Variants in PPP4R4 observed in about 807,000 individuals in gnomAD.
The protein encoded by PPP4R4 is protein phosphatase 4 regulatory subunit 4.
A neutral mutation model predicts 121.8 loss-of-function variants in PPP4R4; 70 were observed. That is an observed-to-expected ratio of 0.57 (90% CI 0.47 to 0.70). The LOEUF (loss-of-function observed/expected upper bound fraction) is 0.70, where lower values mean the gene tolerates loss of function less well. Among genes scored for constraint, PPP4R4 ranks in the 30% least tolerant of loss-of-function variants. The pLI is 0.00. For missense variants in PPP4R4, 875 were observed against 1,033.6 expected (o/e 0.85, Z 2.10); for synonymous variants, 348 against 355.7 (o/e 0.98, Z 0.24).
intron 3 of PPP4R4, among the ~76,000 whole-genome samples, chr14:94,210,460 A>G (rs939687358): frequency 6.6e-6 from 1 of 152,030 alleles, no homozygotes; most frequent in Non-Finnish European, 1.5e-5. Context: ...AATCCATAAT[A>G]CAGAGTATAT....
At chr14:94,210,216 G>A (rs912189384) in intron 3 of PPP4R4, among the ~76,000 whole-genome samples, 8 of 149,968 alleles carry the variant, frequency 5.3e-5, no homozygotes, top group East Asian at 2.0e-4. Context: ...ATATATGAGT[G>A]TATAATACAA....
intron 3 of PPP4R4, among the ~76,000 whole-genome samples, chr14:94,222,210 A>G (rs1446118879): frequency 6.6e-6 from 1 of 151,936 alleles, no homozygotes; most frequent in East Asian, 1.9e-4. Context: ...CTTTTTGCCA[A>G]CTGCTCTATG....
At chr14:94,177,916 C>G (rs973972452) in intron 2 of PPP4R4, among the ~76,000 whole-genome samples, 1 of 152,140 alleles carries the variant, frequency 6.6e-6, no homozygotes, top group African/African-American at 2.4e-5. Flanking sequence ...TTTCTTGTGG[C>G]TCACCTACCT....
At chr14:94,272,968 C>T (rs951015602) in intron 23 of PPP4R4, among the ~76,000 whole-genome samples, 6 of 152,168 alleles carry the variant, frequency 3.9e-5, no homozygotes, top group African/African-American at 1.4e-4. Context: ...TTAGAATGGT[C>T]TAAATCCAAA....
At chr14:94,254,808 G>A (rs1187410073) in intron 16 of PPP4R4, among the ~76,000 whole-genome samples, 1 of 152,054 alleles carries the variant, frequency 6.6e-6, no homozygotes, top group African/African-American at 2.4e-5. Context: ...CCTCTGAAAT[G>A]CCTCCTCCTG....
intron 2 of PPP4R4, among the ~76,000 whole-genome samples, chr14:94,188,537 C>A (rs1405078498): frequency 1.3e-5 from 2 of 152,068 alleles, no homozygotes; most frequent in Non-Finnish European, 2.9e-5. Flanking sequence ...ATATTGAAAT[C>A]TTGACAGGGA....
At chr14:94,192,976 C>T (rs1486670814) in intron 2 of PPP4R4, among the ~76,000 whole-genome samples, 1 of 152,078 alleles carries the variant, frequency 6.6e-6, no homozygotes, top group Non-Finnish European at 1.5e-5. Context: ...GCTTATTCTT[C>T]GTGGAGGAGG....
intron 2 of PPP4R4, among the ~76,000 whole-genome samples, chr14:94,203,554 T>A (rs931106889): frequency 1.3e-5 from 2 of 152,202 alleles, no homozygotes; most frequent in African/African-American, 4.8e-5. Context: ...CAGAAATTTT[T>A]ATTTCTTTGG....
At position 94,190,676 on chromosome 14, in the gene PPP4R4, A is replaced by G. The variant is rs77536075; in HGVS notation, c.191+14549A>G. 3.1e-3 allele frequency among the ~76,000 whole-genome samples: 476 copies of G among 152,306 alleles called. 1 individual carries two copies. The highest frequency in any genetic ancestry group is 0.011 in the African/African-American group (460 of 41,564). On this transcript the variant is annotated intron_variant, in intron 2 of 24. Coordinates refer to ENST00000304338, the MANE Select transcript of PPP4R4 (RefSeq NM_058237.2). ...TTTACTGCTATTTGTTAATGAGGAA[A>G]TAGAAAGGCTGGTTAAAAAAATTAA...
intron 2 of PPP4R4, among the ~76,000 whole-genome samples, chr14:94,189,179 G>A (rs1595453711): frequency 6.6e-6 from 1 of 152,164 alleles, no homozygotes; most frequent in East Asian, 1.9e-4. Context: ...CTCTTGCTTT[G>A]TGGAGATGAC....
chr14:94,223,852 G>A (rs1192274238), intron 3 of PPP4R4, among the ~76,000 whole-genome samples: 1 of 151,638 alleles, frequency 6.6e-6, no homozygotes, highest in Non-Finnish European at 1.5e-5. Context: ...ACCTGCATAG[G>A]TTCTCTGTGC....
chr14:94,224,879 C>T (rs984723731), intron 3 of PPP4R4, among the ~76,000 whole-genome samples: 2 of 151,824 alleles, frequency 1.3e-5, no homozygotes, highest in African/African-American at 4.8e-5. Flanking sequence ...TAATTTTACA[C>T]CAAGAAAATA....
intron 16 of PPP4R4, among the ~76,000 whole-genome samples, chr14:94,255,256 T>G (rs902346585): frequency 7.9e-5 from 12 of 152,226 alleles, no homozygotes; most frequent in Admixed American, 7.2e-4. Flanking sequence ...TTCTTCTCTC[T>G]GTCATTCTAC....
intron 2 of PPP4R4, among the ~76,000 whole-genome samples, chr14:94,178,636 A>G (rs1888807662): frequency 6.6e-6 from 1 of 152,118 alleles, no homozygotes; most frequent in African/African-American, 2.4e-5. Context: ...TATTAATGAC[A>G]TTTTCACAAT....
At chr14:94,275,334 G>A (rs377618406) in intron 23 of PPP4R4, 40 bp from the exon 24 acceptor site, 533 of 1,604,076 alleles carry the variant, frequency 3.3e-4, no homozygotes, top group Non-Finnish European at 4.4e-4. Flanking sequence ...CTCTTTGTTA[G>A]TATATTTGGT....
chr14:94,189,614 C>T (rs1889484423), intron 2 of PPP4R4, among the ~76,000 whole-genome samples: 1 of 152,202 alleles, frequency 6.6e-6, no homozygotes, highest in South Asian at 2.1e-4. Flanking sequence ...CTTGGCCTTT[C>T]CTTCTCAACT....
In PPP4R4 at chr14:94,250,198, T is replaced by A. The variant is rs745691965; in HGVS notation, c.1638T>A (p.Ala546=). 1 of 1,612,254 alleles carries A rather than the reference T, an allele frequency of 6.2e-7. No homozygotes were observed. The highest frequency in any genetic ancestry group is 1.7e-5 in the Admixed American group (1 of 60,004). ...ATGTTTTACCTGTCCAAAAGGCGGCTTCACGAACTCTATGCATTTTTCTGC... is the reference window on the plus strand; with the variant it reads ...ATGTTTTACCTGTCCAAAAGGCGGCATCACGAACTCTATGCATTTTTCTGC... The part of the protein sequence containing the change: ...TNNVLPVQKA[A]SRTLCIFLRY... The change falls in exon 15 of 25, where the codon GCT becomes GCA. Residue 546 remains alanine, a synonymous_variant. Transcript: ENST00000304338.
chr14:94,204,864 G>GT (rs1328863273), intron 2 of PPP4R4, among the ~76,000 whole-genome samples: 2 of 152,162 alleles, frequency 1.3e-5, no homozygotes, highest in East Asian at 1.9e-4. Context: ...TTTGTCACAT[G>GT]TTTTTTCTGA....
chr14:94,275,288 T>A (rs1894572172), intron 23 of PPP4R4, 86 bp from the exon 24 acceptor site: 3 of 1,433,098 alleles, frequency 2.1e-6, no homozygotes, highest in Non-Finnish European at 2.9e-6. Flanking sequence ...GGTGAAAAAG[T>A]TAGCTATCAT....
Sources: allele counts gnomAD v4.1 joint callset (sites outside exome capture counted in the v4.1 genomes callset), GRCh38; gene constraint gnomAD v4.1.1; transcripts MANE v1.5; gene names NCBI Gene and HGNC (gene_info 2026-07-23, HGNC 2026-07-21).